The following SPATS2L variants were observed in gnomAD, a reference collection of about 807,000 sequenced individuals.
The protein encoded by SPATS2L is SPATS2-like protein.
A neutral mutation model predicts 59.6 loss-of-function variants in SPATS2L; 30 were observed. The ratio of observed to expected loss-of-function variants is 0.50; its 90% CI spans 0.38 to 0.68. The LOEUF (loss-of-function observed/expected upper bound fraction) is 0.68. Among genes scored for constraint, SPATS2L ranks in the 30% least tolerant of loss-of-function variants. SPATS2L has a pLI of 0.00. For synonymous variants in SPATS2L, 252 were observed against 263.5 expected, an observed-to-expected ratio of 0.96 and a Z score of 0.42; for missense variants, 615 against 700.0, an observed-to-expected ratio of 0.88 and a Z score of 1.37.
intron 9 of SPATS2L, among the ~76,000 whole-genome samples, chr2:200,466,362 T>A (rs1200603616): frequency 2.0e-5 from 3 of 152,234 alleles, no homozygotes; most frequent in Non-Finnish European, 2.9e-5. Flanking sequence ...ATGAGTCGAA[T>A]TAGAGAGCCA....
At chr2:200,333,837 A>C (rs375271123) in intron 2 of SPATS2L, among the ~76,000 whole-genome samples, 1 of 152,038 alleles carries the variant, frequency 6.6e-6, no homozygotes, top group South Asian at 2.1e-4. Flanking sequence ...TGAACTCATC[A>C]TTTTTTATGG....
At chr2:200,381,712 C>G (rs1269041010) in intron 2 of SPATS2L, among the ~76,000 whole-genome samples, 5 of 152,140 alleles carry the variant, frequency 3.3e-5, no homozygotes, top group African/African-American at 1.2e-4. Flanking sequence ...TGCTGCTTCT[C>G]AAATCACATG....
chr2:200,458,684 C>T (rs1051422048), intron 8 of SPATS2L, among the ~76,000 whole-genome samples: 10 of 151,472 alleles, frequency 6.6e-5, no homozygotes, highest in African/African-American at 2.4e-4. Flanking sequence ...AGTCAATCAA[C>T]CAATTGGAAT....
rs775975214 is a variant in SPATS2L at position 200,419,451 on chromosome 2, A to C, written c.400A>C (p.Ile134Leu). 3 of 1,613,816 alleles carry C rather than the reference A, an allele frequency of 1.9e-6. No individual in the cohort carries two copies. Among genetic ancestry groups the C allele is most frequent in the Non-Finnish European group, 2.5e-6 (3 of 1,179,878 alleles). Residue 134 changes from isoleucine to leucine, a missense_variant, in exon 6 of 13, where the codon ATC (isoleucine) becomes CTC (leucine). This residue lies in a region of SPATS2L where 227 missense variants were observed against 257.4 expected (regional missense o/e 0.88). Coordinates refer to ENST00000409140, the MANE Select transcript of SPATS2L (RefSeq NM_001100423.2). ...AGCCCTTATCCCTCGTGAGAAAAAGATCTCGATACTTGAGGAACCTTCAAA... is the reference window on the plus strand; with the variant it reads ...AGCCCTTATCCCTCGTGAGAAAAAGCTCTCGATACTTGAGGAACCTTCAAA... ...KPALIPREKKISILEEPSKAL... is the reference protein window; with the variant it reads ...KPALIPREKKLSILEEPSKAL...
intron 2 of SPATS2L, among the ~76,000 whole-genome samples, chr2:200,379,542 G>T (rs1389380287): frequency 6.6e-6 from 1 of 152,130 alleles, no homozygotes; most frequent in Non-Finnish European, 1.5e-5. Flanking sequence ...CTAAAGAGAT[G>T]GGGGAAGGAA....
intron 1 of SPATS2L, among the ~76,000 whole-genome samples, chr2:200,320,779 T>G (rs948471242): frequency 6.6e-6 from 1 of 152,246 alleles, no homozygotes; most frequent in Non-Finnish European, 1.5e-5. Flanking sequence ...AAGTAACACA[T>G]ATGGTGCTTT....
At chr2:200,408,017 A>G (rs2082746891) in intron 3 of SPATS2L, among the ~76,000 whole-genome samples, 1 of 152,212 alleles carries the variant, frequency 6.6e-6, no homozygotes, top group South Asian at 2.1e-4. Flanking sequence ...CACGTTGCCT[A>G]CCATCTGGGA....
At chr2:200,411,332 A>C (rs995400315) in intron 3 of SPATS2L, among the ~76,000 whole-genome samples, 3 of 152,210 alleles carry the variant, frequency 2.0e-5, no homozygotes, top group African/African-American at 7.2e-5. Context: ...CACATACCAT[A>C]CCCATTTAAT....
At chr2:200,384,025 C>T in intron 2 of SPATS2L, 1 of 1,000,178 alleles carries the variant, frequency 1.0e-6, no homozygotes, top group Non-Finnish European at 1.2e-6. Flanking sequence ...TAGGTCAGTA[C>T]ATTGATAGAA....
intron 5 of SPATS2L, among the ~76,000 whole-genome samples, chr2:200,417,246 A>G (rs1274838204): frequency 1.3e-5 from 2 of 152,210 alleles, no homozygotes; most frequent in East Asian, 1.9e-4. Context: ...TGAACAAACA[A>G]TAACACAGTA....
At chr2:200,334,937 T>C (rs2080090391) in intron 2 of SPATS2L, among the ~76,000 whole-genome samples, 1 of 152,168 alleles carries the variant, frequency 6.6e-6, no homozygotes, top group South Asian at 2.1e-4. Flanking sequence ...AGTTTGAAGT[T>C]AGATAGCGTG....
intron 2 of SPATS2L, among the ~76,000 whole-genome samples, chr2:200,352,662 G>C (rs2080781625): frequency 6.6e-6 from 1 of 151,938 alleles, no homozygotes; most frequent in African/African-American, 2.4e-5. Context: ...TTTGATTATA[G>C]GAAAAATCAG....
At chr2:200,372,274 A>G in intron 2 of SPATS2L, 1 of 847,758 alleles carries the variant, frequency 1.2e-6, no homozygotes, top group Non-Finnish European at 1.4e-6. Context: ...CCTCTCCATT[A>G]TCCTCATTCA....
Position 200,477,759 on chromosome 2 carries a change from C to A in SPATS2L, c.1405C>A (p.His469Asn), listed in dbSNP as rs755624056. 6 of 1,581,474 alleles carry A rather than the reference C, an allele frequency of 3.8e-6. No individual in the cohort carries two copies. In the East Asian group the frequency reaches 1.4e-4, roughly 37 times the overall value. ...AEPLGKGNSR[H>N]EHRRQPHNGF... ...GCCACTGGGAAAGGGCAACAGCCGC[C>A]ACGAACACAGAAGACAGCCGCACAA... The change falls in exon 13 of 13, where the codon CAC becomes AAC. Residue 469 changes from histidine to asparagine, a missense_variant. His to Asn is a moderately conservative substitution (Grantham distance 68). Coordinates refer to ENST00000409140, the MANE Select transcript of SPATS2L (RefSeq NM_001100423.2).
intron 3 of SPATS2L, among the ~76,000 whole-genome samples, chr2:200,408,410 T>A (rs1442267885): frequency 6.6e-6 from 1 of 152,194 alleles, no homozygotes; most frequent in East Asian, 1.9e-4. Context: ...TGCCTGGGAC[T>A]GAATTGCAGG....
intron 2 of SPATS2L, among the ~76,000 whole-genome samples, chr2:200,356,169 A>G (rs573085925): frequency 6.6e-6 from 1 of 152,352 alleles, no homozygotes; most frequent in Admixed American, 6.5e-5. Flanking sequence ...TATAAAGTGT[A>G]TTGGAATTTC....
In SPATS2L at chr2:200,306,899, G is replaced by T; in HGVS notation, c.-96G>T. 1 of 981,370 alleles carries T rather than the reference G, an allele frequency of 1.0e-6. No homozygotes were observed. Among genetic ancestry groups the T allele is most frequent in the Non-Finnish European group, 1.2e-6 (1 of 828,328 alleles). 60.8% of individuals were successfully genotyped at this position (981,370 alleles called of 1,614,324 possible). A position where few individuals can be genotyped will look rare whatever the true frequency, so the allele number is the denominator to read the frequency against. ...CGGGCCCCGGCTCCGGCCCGGGACG[G>T]AGGAGCCGGCGCTCGACACAGAGGT... On this transcript the variant is annotated 5_prime_UTR_variant, in exon 1 of 13. Coordinates refer to ENST00000409140, the MANE Select transcript of SPATS2L (RefSeq NM_001100423.2).
intron 3 of SPATS2L, among the ~76,000 whole-genome samples, chr2:200,397,429 C>T (rs1366027859): frequency 6.6e-6 from 1 of 152,166 alleles, no homozygotes; most frequent in African/African-American, 2.4e-5. Context: ...GGTTCCTTCT[C>T]TCCTAACCTT....
At position 200,419,252 on chromosome 2, in the gene SPATS2L, C is replaced by T; in HGVS notation, c.201C>T (p.Asn67=). The T allele has an allele frequency of 1.9e-6, 3 of 1,567,062 alleles. No individual in the cohort carries two copies. In the South Asian group the frequency reaches 3.5e-5, roughly 18 times the overall value. ...KEWNMTGKKK[N]NKRKRSKSKQ... ...TTCTCATTTGTTTCTCATTCTAGAACAATAAAAGAAAAAGAAGCAAGTCCA... is the reference window on the plus strand; with the variant it reads ...TTCTCATTTGTTTCTCATTCTAGAATAATAAAAGAAAAAGAAGCAAGTCCA... Residue 67 remains asparagine (N), a splice_region_variant and synonymous_variant, in exon 6 of 13, where the codon AAC becomes AAT. Transcript: ENST00000409140.
Sources: allele counts gnomAD v4.1 joint callset (sites outside exome capture counted in the v4.1 genomes callset), GRCh38; gene constraint gnomAD v4.1.1; regional missense constraint gnomAD v4.1.1; transcripts MANE v1.5; gene names NCBI Gene and HGNC (gene_info 2026-07-23, HGNC 2026-07-21).